ASTN2: variants seen among roughly 807,000 people sequenced by gnomAD.
ASTN2 encodes the protein astrotactin-2.
Under a neutral mutation model 139.8 loss-of-function variants are expected in ASTN2, and 54 were observed. That is an observed-to-expected ratio of 0.39 (90% confidence interval 0.31 to 0.48). The LOEUF is 0.48. ASTN2 is among the 20% of genes least tolerant of loss of function. ASTN2 has a pLI of 0.95. For missense variants in ASTN2, 1,565 were observed against 1,725.1 expected (o/e 0.91, Z 1.64); for synonymous variants, 756 against 719.5 (o/e 1.05, Z -0.81).
chr9:116,470,292 G>A (rs561039469), intron 20 of ASTN2, among the ~76,000 whole-genome samples: 39 of 152,318 alleles, frequency 2.6e-4, no homozygotes, highest in African/African-American at 7.2e-4. Context: ...AAGATTCGGC[G>A]TGTTCTGAGG....
In ASTN2 at chr9:116,976,120, A is replaced by G. The variant is rs149052012; in HGVS notation, c.1745T>C (p.Ile582Thr). The change falls in exon 9 of 23, where the codon ATT becomes ACT. Residue 582 changes from isoleucine to threonine, a missense_variant. Around this residue, in one of 4 missense-constraint regions of ASTN2, gnomAD observed 503 missense variants for 591.7 expected, o/e 0.85. Coordinates refer to ENST00000313400, the MANE Select transcript of ASTN2 (RefSeq NM_001365068.1). ...LVTGEQAPEK[I>T]LRSTFSLGQG... ...AACAAGAAAGCCAACTCACCTGAGA[A>G]TCTTTTCAGGGGCTTGCTCCCCTGT... 105 of 1,614,034 alleles carry G rather than the reference A, an allele frequency of 6.5e-5. No individual in the cohort carries two copies. Among genetic ancestry groups the G allele is most frequent in the Non-Finnish European group, 8.8e-5 (104 of 1,180,004 alleles).
chr9:117,395,170 A>G (rs1483430198), intron 1 of ASTN2, among the ~76,000 whole-genome samples: 2 of 152,182 alleles, frequency 1.3e-5, no homozygotes, highest in Non-Finnish European at 2.9e-5. Context: ...GAATCATCCA[A>G]GAAAGGAGTG....
intron 13 of ASTN2, among the ~76,000 whole-genome samples, chr9:116,757,748 A>T (rs1829573231): frequency 6.6e-6 from 1 of 152,132 alleles, no homozygotes; most frequent in African/African-American, 2.4e-5. Context: ...CGCACATAGG[A>T]CAGGGCCTGT....
intron 10 of ASTN2, among the ~76,000 whole-genome samples, chr9:116,935,660 T>C (rs1457992359): frequency 6.6e-6 from 1 of 152,216 alleles, no homozygotes; most frequent in Non-Finnish European, 1.5e-5. Context: ...ATTTCCATCC[T>C]TTACTTGCTG....
At chr9:117,265,810 TAAA>T (rs11290572) in intron 2 of ASTN2, among the ~76,000 whole-genome samples, 1 of 147,732 alleles carries the variant, frequency 6.8e-6, no homozygotes. Flanking sequence ...AGCAAAATGG[TAAA>T]AAAAAAAAAA....
intron 3 of ASTN2, among the ~76,000 whole-genome samples, chr9:117,153,438 A>G (rs893269406): frequency 2.2e-4 from 33 of 152,272 alleles, no homozygotes; most frequent in African/African-American, 7.5e-4. Flanking sequence ...CTAAGATTCT[A>G]TAGTTGTTTG....
chr9:117,195,278 G>C (rs1360081993), intron 3 of ASTN2, among the ~76,000 whole-genome samples: 1 of 152,122 alleles, frequency 6.6e-6, no homozygotes, highest in Admixed American at 6.6e-5. Flanking sequence ...TGACAGATTG[G>C]GGAAGGAAAG....
chr9:116,557,984 T>G (rs773979926), intron 19 of ASTN2, among the ~76,000 whole-genome samples: 5 of 152,204 alleles, frequency 3.3e-5, no homozygotes, highest in Non-Finnish European at 7.3e-5. Flanking sequence ...CTAGTCCCAT[T>G]ACAGAGCTAT....
chr9:116,476,749 A>G (rs1364194578), intron 20 of ASTN2, among the ~76,000 whole-genome samples: 1 of 152,168 alleles, frequency 6.6e-6, no homozygotes, highest in Non-Finnish European at 1.5e-5. Context: ...CGCTAATCAG[A>G]GCAACACTCG....
intron 2 of ASTN2, among the ~76,000 whole-genome samples, chr9:117,221,129 T>G (rs1014552561): frequency 6.6e-6 from 1 of 152,178 alleles, no homozygotes; most frequent in Admixed American, 6.5e-5. Context: ...TTGTTTTAGC[T>G]CTGATCCCAG....
intron 20 of ASTN2, among the ~76,000 whole-genome samples, chr9:116,480,936 C>A (rs1200549233): frequency 6.6e-6 from 1 of 152,178 alleles, no homozygotes; most frequent in East Asian, 1.9e-4. Context: ...TGTCTGTCAT[C>A]ACAAATAGTA....
At chr9:117,273,671 C>T (rs1834117646) in intron 2 of ASTN2, among the ~76,000 whole-genome samples, 1 of 152,184 alleles carries the variant, frequency 6.6e-6, no homozygotes, top group Non-Finnish European at 1.5e-5. Context: ...CCCATTCCTC[C>T]ATGCCACCTG....
At chr9:117,054,943 C>A (rs569136377) in intron 5 of ASTN2, among the ~76,000 whole-genome samples, 15 of 152,192 alleles carry the variant, frequency 9.9e-5, no homozygotes, top group Middle Eastern at 3.2e-3. Flanking sequence ...AGGAGCACAA[C>A]CTAGACCCCT....
intron 1 of ASTN2, among the ~76,000 whole-genome samples, chr9:117,344,171 C>T (rs112424981): frequency 1.5e-3 from 215 of 146,254 alleles, no homozygotes; most frequent in Non-Finnish European, 1.9e-3. Flanking sequence ...CAGCCTTCCA[C>T]AAAAGCACGT....
chr9:117,220,681 TC>T (rs1430367409), intron 2 of ASTN2, among the ~76,000 whole-genome samples: 1 of 152,088 alleles, frequency 6.6e-6, no homozygotes, highest in Non-Finnish European at 1.5e-5. Context: ...GGACAGATTC[TC>T]CCTCAGAGCC....
At chr9:117,221,082 T>C (rs1341098865) in intron 2 of ASTN2, among the ~76,000 whole-genome samples, 1 of 152,208 alleles carries the variant, frequency 6.6e-6, no homozygotes, top group African/African-American at 2.4e-5. Context: ...GCTGACAATC[T>C]TCACCAGACT....
At chr9:117,186,902 G>A (rs1831214326) in intron 3 of ASTN2, among the ~76,000 whole-genome samples, 1 of 152,320 alleles carries the variant, frequency 6.6e-6, no homozygotes, top group South Asian at 2.1e-4. Context: ...AGGCCAAGGA[G>A]GGCAGATCAT....
At chr9:116,997,739 T>A (rs184836031) in intron 7 of ASTN2, among the ~76,000 whole-genome samples, 4 of 152,294 alleles carry the variant, frequency 2.6e-5, no homozygotes, top group Admixed American at 2.6e-4. Flanking sequence ...CAAAAATAAC[T>A]ACCTAGAAGT....
chr9:117,331,748 C>G (rs954550528), intron 1 of ASTN2, among the ~76,000 whole-genome samples: 8 of 152,150 alleles, frequency 5.3e-5, no homozygotes, highest in Non-Finnish European at 7.3e-5. Context: ...AACAAAAGCC[C>G]ATCGAAGATT....
Sources: gnomAD v4.1 joint callset for allele counts (sites outside exome capture counted in the v4.1 genomes callset) on GRCh38, gnomAD v4.1.1 for gene constraint, gnomAD v4.1.1 regional missense constraint, MANE v1.5 for transcripts, NCBI Gene and HGNC (gene_info 2026-07-23, HGNC 2026-07-21) for gene names.